G2E3: variants seen among roughly 807,000 people sequenced by gnomAD.
G2E3 encodes the protein G2/M-phase specific E3 ubiquitin protein ligase, also known as G2/M phase-specific E3 ubiquitin-protein ligase.
Under a neutral mutation model 92.8 loss-of-function variants are expected in G2E3, and 35 were observed. The ratio of observed to expected loss-of-function variants is 0.38; its 90% CI spans 0.29 to 0.50. G2E3 has a LOEUF of 0.50. G2E3 is among the 20% of genes least tolerant of loss of function. G2E3 has a pLI of 0.94. For synonymous variants in G2E3, 242 were observed against 272.4 expected (o/e 0.89, Z 1.10); for missense variants, 554 against 823.8 (o/e 0.67, Z 4.01).
At chr14:30,562,338 A>G (rs1254287893) in intron 1 of G2E3, among the ~76,000 whole-genome samples, 7 of 152,096 alleles carry the variant, frequency 4.6e-5, no homozygotes, top group African/African-American at 7.2e-5. Flanking sequence ...TTATTCCAAT[A>G]TTATAATAAT....
At chr14:30,598,752 T>C (rs1881414112) in intron 8 of G2E3, among the ~76,000 whole-genome samples, 153 bp downstream of exon 8, 1 of 152,260 alleles carries the variant, frequency 6.6e-6, no homozygotes, top group African/African-American at 2.4e-5. Context: ...CATTTACGTC[T>C]GTTTACAGAG....
chr14:30,564,869 G>A (rs1450479151), intron 1 of G2E3, among the ~76,000 whole-genome samples: 7 of 152,170 alleles, frequency 4.6e-5, no homozygotes, highest in African/African-American at 1.7e-4. Flanking sequence ...ATCAATTGAT[G>A]TATAATTAGG....
chr14:30,568,417 TAAGG>T (rs778799434), intron 1 of G2E3, among the ~76,000 whole-genome samples: 3 of 152,152 alleles, frequency 2.0e-5, no homozygotes, highest in Non-Finnish European at 4.4e-5. Flanking sequence ...TAATTACTGT[TAAGG>T]AAGGATTTCT....
At chr14:30,591,916 A>C (rs1324748812) in intron 4 of G2E3, among the ~76,000 whole-genome samples, 1 of 151,868 alleles carries the variant, frequency 6.6e-6, no homozygotes, top group Non-Finnish European at 1.5e-5. Context: ...CCTTTTTTAC[A>C]AATTGGTTTA....
intron 12 of G2E3, among the ~76,000 whole-genome samples, chr14:30,608,732 G>A (rs1303882647): frequency 6.6e-6 from 1 of 152,200 alleles, no homozygotes; most frequent in Non-Finnish European, 1.5e-5. Context: ...GACAATGCAA[G>A]CCATTTAACT....
At chr14:30,602,263 C>A in intron 10 of G2E3, 132 bp downstream of exon 10, 3 of 641,660 alleles carry the variant, frequency 4.7e-6, no homozygotes, top group East Asian at 2.8e-5. Context: ...CTTCAGGACC[C>A]AACATTTGAT....
intron 6 of G2E3, among the ~76,000 whole-genome samples, chr14:30,595,990 T>TACCA (rs1246081140): frequency 6.6e-6 from 1 of 152,090 alleles, no homozygotes; most frequent in African/African-American, 2.4e-5. Context: ...TTCTCCTCTA[T>TACCA]ACCAGATACT....
At chr14:30,562,992 TG>T (rs370243413) in intron 1 of G2E3, among the ~76,000 whole-genome samples, 1 of 152,230 alleles carries the variant, frequency 6.6e-6, no homozygotes, top group African/African-American at 2.4e-5. Context: ...GCCTGGCATT[TG>T]GGGCCACTAC....
At chr14:30,581,017 A>G in intron 1 of G2E3, 59 bp from the exon 2 acceptor site, 1 of 904,704 alleles carries the variant, frequency 1.1e-6, no homozygotes, top group Non-Finnish European at 1.8e-6. Flanking sequence ...CAAGTAATAA[A>G]AGTTGTTAAT....
intron 2 of G2E3, among the ~76,000 whole-genome samples, chr14:30,581,542 G>C (rs1486427671): frequency 1.3e-5 from 2 of 152,012 alleles, no homozygotes; most frequent in Non-Finnish European, 2.9e-5. Context: ...CCTCATCTCT[G>C]CTAAAAATAC....
intron 1 of G2E3, 177 bp from the exon 2 acceptor site, chr14:30,580,899 C>T (rs1880394965): frequency 1.3e-5 from 7 of 541,098 alleles, no homozygotes; most frequent in Non-Finnish European, 2.4e-5. Context: ...AAAATGTTCC[C>T]GACTCTTAAC....
chr14:30,607,616 G>A (rs1881891950), intron 11 of G2E3, among the ~76,000 whole-genome samples: 1 of 152,060 alleles, frequency 6.6e-6, no homozygotes, highest in African/African-American at 2.4e-5. Context: ...TCCTTATATG[G>A]TGCATGACTG....
At chr14:30,574,084 TTTA>T (rs778122835) in intron 1 of G2E3, among the ~76,000 whole-genome samples, 4 of 152,184 alleles carry the variant, frequency 2.6e-5, no homozygotes, top group African/African-American at 7.2e-5. Flanking sequence ...TTAACCACTC[TTTA>T]TTATTTTCCA....
chr14:30,604,786 A>T (rs1881746814), intron 10 of G2E3, among the ~76,000 whole-genome samples: 1 of 152,192 alleles, frequency 6.6e-6, no homozygotes, highest in Non-Finnish European at 1.5e-5. Context: ...TGCTTTTTTT[A>T]AAAAAGGACA....
At chr14:30,559,483 C>T (rs1401084202) in intron 1 of G2E3, 2 of 152,178 alleles carry the variant, frequency 1.3e-5, no homozygotes, top group African/African-American at 4.8e-5. Flanking sequence ...TTGCGCACGC[C>T]AGCCAGCTCT....
chr14:30,568,655 T>C (rs1879579662), intron 1 of G2E3, among the ~76,000 whole-genome samples: 1 of 152,176 alleles, frequency 6.6e-6, no homozygotes, highest in Non-Finnish European at 1.5e-5. Flanking sequence ...TCAGCTTTCA[T>C]AGTATACAAA....
chr14:30,601,476 T>C (rs1270362786), intron 8 of G2E3, among the ~76,000 whole-genome samples: 1 of 152,198 alleles, frequency 6.6e-6, no homozygotes, highest in Admixed American at 6.5e-5. Flanking sequence ...GAAAGGAAAA[T>C]TTATTTTCTC....
At chr14:30,584,893 A>G (rs1457185230) in intron 2 of G2E3, among the ~76,000 whole-genome samples, 2 of 144,436 alleles carry the variant, frequency 1.4e-5, no homozygotes, top group Non-Finnish European at 3.0e-5. Flanking sequence ...CAGTCACACA[A>G]TCTTGGCTCA....
chr14:30,607,059 A>G (rs1175949774), intron 11 of G2E3, among the ~76,000 whole-genome samples: 2 of 152,150 alleles, frequency 1.3e-5, no homozygotes, highest in Non-Finnish European at 2.9e-5. Flanking sequence ...TGTCTCATAA[A>G]GTTAGAAATA....
Sources: gnomAD v4.1 joint callset for allele counts (sites outside exome capture counted in the v4.1 genomes callset) on GRCh38, gnomAD v4.1.1 for gene constraint, MANE v1.5 for transcripts, NCBI Gene and HGNC (gene_info 2026-07-23, HGNC 2026-07-21) for gene names.